C16orf92: variants seen among roughly 807,000 people sequenced by gnomAD.
C16orf92 encodes fertilization-influencing membrane protein 1.
C16orf92 carries 14 observed loss-of-function variants against 13.7 expected under a neutral mutation model. The observed-to-expected ratio is 1.02, with a 90% CI of 0.67 to 1.60. The LOEUF (loss-of-function observed/expected upper bound fraction) is 1.60. C16orf92 is among the 40% of genes most tolerant of loss of function. The pLI, the probability that C16orf92 is intolerant of heterozygous loss-of-function variation, is 0.00. For synonymous variants in C16orf92, 50 were observed against 57.4 expected, an observed-to-expected ratio of 0.87 and a Z score of 0.58; for missense variants, 116 against 139.0, an observed-to-expected ratio of 0.83 and a Z score of 0.83.
Position 30,023,308 on chromosome 16 carries a change from ACATCACAGAGCCCCCACCT to A in C16orf92, c.-29_-11del. 1 of 1,572,752 alleles carries A rather than the reference ACATCACAGAGCCCCCACCT, an allele frequency of 6.4e-7. No homozygotes were observed. Among genetic ancestry groups the A allele is most frequent in the Non-Finnish European group, 8.6e-7 (1 of 1,157,312 alleles). On this transcript the variant is annotated 5_prime_UTR_variant, in exon 1 of 4. In the 5' UTR this introduces an upstream ATG that the reference lacks. Coordinates refer to ENST00000681219, the MANE Select transcript of C16orf92 (RefSeq NM_001109659.2). ...GCCATCAGAACAGCTCTGGGCTGTG[ACATCACAGAGCCCCCACCT>A]CATGATAGGAGTCATGAGGCTGTGG...
chr16:30,026,721 G>T (rs140155911), downstream of C16orf92: 2 of 1,613,974 alleles, frequency 1.2e-6, no homozygotes, highest in South Asian at 2.2e-5. Context: ...GGCTCTGGCC[G>T]CTCCGTCGTC....
At chr16:30,027,321 T>A (rs2071190866), downstream of C16orf92, 2 of 390,802 alleles carry the variant, frequency 5.1e-6, no homozygotes, top group African/African-American at 4.2e-5. Flanking sequence ...AAACTTCCCA[T>A]GCATAGCCTT....
At position 30,024,318 on chromosome 16, in the gene C16orf92, C is replaced by T. The variant is rs895290955; in HGVS notation, c.*91C>T. On this transcript the variant is annotated 3_prime_UTR_variant, in exon 4 of 4. Transcript: ENST00000681219. ...CAAAAGTTCCCTGCTTTCCTCCTCC[C>T]TGACTGCCCAGCGAGCAGCTGGGGA... 1.3e-6 allele frequency: 2 copies of T among 1,499,508 alleles called. No individual in the cohort carries two copies. Among genetic ancestry groups the T allele is most frequent in the African/African-American group, 1.4e-5 (1 of 71,606 alleles). The allele number at this position is 1,499,508 out of a possible 1,614,324, so 92.9% of individuals were successfully genotyped here.
chr16:30,025,111 C>A, downstream of C16orf92: 2 of 1,101,440 alleles, frequency 1.8e-6, no homozygotes, highest in South Asian at 3.4e-5. This position sits in a 1 kb window ranked among gnomAD's most constrained non-coding sequence, Gnocchi z 4.1. Flanking sequence ...GCTCCCAACC[C>A]CAGCCATCAG....
Position 30,024,100 on chromosome 16 carries a change from C to T in C16orf92, c.311+14C>T. 6.2e-7 allele frequency: 1 copy of T among 1,611,264 alleles called. No individual in the cohort carries two copies. Among genetic ancestry groups the T allele is most frequent in the Non-Finnish European group, 8.5e-7 (1 of 1,177,384 alleles). On this transcript the variant is annotated intron_variant, in intron 3 of 3. Coordinates refer to ENST00000681219, the MANE Select transcript of C16orf92 (RefSeq NM_001109659.2). ...CTGCACCCACATGTAAGGCCTGCCC[C>T]CTTTCTCCAACCCCACCCACCACCA...
chr16:30,026,553 G>T (rs1160472306), downstream of C16orf92: 18 of 1,491,296 alleles, frequency 1.2e-5, no homozygotes, highest in Non-Finnish European at 1.5e-5. Context: ...GCCAGCACCA[G>T]CAGGACCAAG....
chr16:30,026,588 G>A (rs200158999), downstream of C16orf92: 56 of 1,040,614 alleles, frequency 5.4e-5, no homozygotes, highest in East Asian at 6.5e-4. Flanking sequence ...CACCCCGCCC[G>A]CCCAGCTCCC....
At chr16:30,026,749 C>T (rs750733115), downstream of C16orf92, 25 of 1,614,020 alleles carry the variant, frequency 1.5e-5, 1 homozygote, top group South Asian at 2.5e-4. Flanking sequence ...TGCCCTTTGA[C>T]CTGGTGCTTG....
chr16:30,023,436 C>G, intron 1 of C16orf92, 32 bp downstream of exon 1: 1 of 1,601,506 alleles, frequency 6.2e-7, no homozygotes, highest in South Asian at 1.1e-5. Context: ...AGCAGGAAGG[C>G]AGGCAGCTCT....
chr16:30,026,697 C>T, downstream of C16orf92: 1 of 1,614,008 alleles, frequency 6.2e-7, no homozygotes, highest in Non-Finnish European at 8.5e-7. Context: ...CGCTATGGCC[C>T]ACGTGCTGCC....
downstream of C16orf92, chr16:30,025,703 T>C (rs745560306): frequency 2.5e-5 from 40 of 1,612,416 alleles, no homozygotes; most frequent in Non-Finnish European, 3.4e-5. The surrounding 1 kb of genome is among the most constrained non-coding windows in gnomAD (Gnocchi z 4.1). Context: ...ATTGGGCTCC[T>C]GCACCCTCCC....
rs763540701 is a variant in C16orf92, at chr16:30,023,636, T to A, written c.65-91T>A. 5 of 1,603,176 alleles carry A rather than the reference T, an allele frequency of 3.1e-6. 1 individual carries two copies. The Middle Eastern group carries it at 6.6e-4, about 212-fold the overall frequency. On this transcript the variant is annotated intron_variant, in intron 1 of 3. Transcript: ENST00000681219. The stretch of plus-strand genomic sequence containing the variant: ...CCACAGCCTCTGCAATAAGGCTGGG[T>A]GGTCTCACAGGGTCCCAAGTCAGCT...
At chr16:30,027,677 G>C (rs2071208718), downstream of C16orf92, 1 of 455,200 alleles carries the variant, frequency 2.2e-6, no homozygotes, top group Non-Finnish European at 4.4e-6. Flanking sequence ...TACTTGGAGA[G>C]TAAACAAAAA....
rs1310320501 is a variant in C16orf92 at position 30,023,729 on chromosome 16, C to T, written c.67C>T (p.Pro23Ser). 7 of 1,614,088 alleles carry T rather than the reference C, an allele frequency of 4.3e-6. No individual in the cohort carries two copies. The highest frequency in any genetic ancestry group is 1.6e-4 in the Middle Eastern group (1 of 6,062). The change falls in exon 2 of 4, where the codon CCC (proline) becomes TCC (serine). Residue 23 changes from proline to serine, a missense_variant and splice_region_variant. Pro to Ser is a moderately conservative substitution (Grantham distance 74). Coordinates refer to ENST00000681219, the MANE Select transcript of C16orf92 (RefSeq NM_001109659.2). ...CACAGAGTTTGCTTGGGTCCTAGCA[C>T]CCAGACCCAAGCGTGCCACGGCGTC... ...LAALGAIETA[P>S]RPKRATASAL...
downstream of C16orf92, chr16:30,025,593 C>G (rs1451061921): frequency 6.7e-7 from 1 of 1,492,112 alleles, no homozygotes. The surrounding 1 kb of genome is among the most constrained non-coding windows in gnomAD (Gnocchi z 4.1). Context: ...AGGACACAAG[C>G]ACCAGGTGCT....
downstream of C16orf92, chr16:30,026,900 G>T: frequency 1.4e-6 from 2 of 1,468,812 alleles, no homozygotes; most frequent in Non-Finnish European, 1.9e-6. Context: ...ACCAGTGATT[G>T]GGGTCAGATC....
chr16:30,025,489 G>A (rs2071080424), downstream of C16orf92: 1 of 1,609,620 alleles, frequency 6.2e-7, no homozygotes, highest in Admixed American at 1.7e-5. The surrounding 1 kb of genome is among the most constrained non-coding windows in gnomAD (Gnocchi z 4.1). Context: ...CAGACACAGT[G>A]GCCACGGCAG....
chr16:30,026,166 C>T (rs996248434), downstream of C16orf92, among the ~76,000 whole-genome samples: 3 of 149,158 alleles, frequency 2.0e-5, no homozygotes, highest in South Asian at 2.1e-4. Flanking sequence ...ACTCAGGAGG[C>T]GGAGGTTTCA....
At chr16:30,025,279 G>A (rs1342437841), downstream of C16orf92, 1 of 1,546,892 alleles carries the variant, frequency 6.5e-7, no homozygotes, top group South Asian at 1.2e-5. This position sits in a 1 kb window ranked among gnomAD's most constrained non-coding sequence, Gnocchi z 4.1. Context: ...AGAGCTGAGG[G>A]GCCAGGAGCA....
Sources: gnomAD v4.1 joint callset for allele counts (sites outside exome capture counted in the v4.1 genomes callset) on GRCh38, gnomAD v4.1.1 for gene constraint, Gnocchi (gnomAD v3.1) non-coding constraint, MANE v1.5 for transcripts, NCBI Gene and HGNC (gene_info 2026-07-23, HGNC 2026-07-21) for gene names.